Variants in FUS observed in about 807,000 individuals in gnomAD.
FUS encodes the protein RNA-binding protein FUS.
FUS carries 5 observed loss-of-function variants against 82.7 expected under a neutral mutation model. The observed-to-expected ratio is 0.06, with a 90% confidence interval of 0.03 to 0.13. The LOEUF (loss-of-function observed/expected upper bound fraction) is 0.13, where lower values mean the gene tolerates loss of function less well. Among genes scored for constraint, FUS ranks in the 10% least tolerant of loss-of-function variants. The probability of loss-of-function intolerance (pLI) is 1.00; values close to 1 mark genes in which losing one functional copy is unlikely to be tolerated. For missense variants in FUS, 512 were observed against 707.8 expected (o/e 0.72, Z 3.14); for synonymous variants, 281 against 247.4 (o/e 1.14, Z -1.27).
At chr16:31,184,128 G>A in intron 4 of FUS, 81 bp from the exon 5 acceptor site, 5 of 1,613,560 alleles carry the variant, frequency 3.1e-6, no homozygotes, top group Non-Finnish European at 4.2e-6. Flanking sequence ...GTTGGGTACA[G>A]AGAATGGACT....
Position 31,190,123 on chromosome 16 carries a change from G to A in FUS, c.1150G>A (p.Gly384Arg). 1 of 1,614,198 alleles carries A rather than the reference G, an allele frequency of 6.2e-7. No individual in the cohort carries two copies. The highest frequency in any genetic ancestry group is 8.5e-7 in the Non-Finnish European group (1 of 1,180,034). ...DFNRGGGNGR[G>R]GRGRGGPMGR... Reference sequence around the variant, plus strand: ...TAATCGGGGTGGTGGCAATGGTCGTGGAGGCCGAGGGCGAGGAGGTGAGGA... The same window carrying A: ...TAATCGGGGTGGTGGCAATGGTCGTAGAGGCCGAGGGCGAGGAGGTGAGGA... Residue 384 changes from glycine (G) to arginine (R), a missense_variant, in exon 11 of 15, where the codon GGA becomes AGA. By Grantham distance (125) the Gly-to-Arg change is moderately radical. Coordinates refer to ENST00000254108, the MANE Select transcript of FUS (RefSeq NM_004960.4).
chr16:31,185,164 G>A lies in FUS; in HGVS notation c.749G>A (p.Gly250Asp). The change falls in exon 6 of 15, where the codon GGC becomes GAC. Residue 250 changes from glycine to aspartate, a missense_variant. Transcript: ENST00000254108. ...EPRGRGGGRG[G>D]RGGMGGSDRG... The stretch of plus-strand genomic sequence containing the variant: ...AGAGGTCGTGGAGGTGGCCGTGGAG[G>A]CAGAGGTGGCATGGGGTAGGTGTCT... The A allele has an allele frequency of 6.2e-7, 1 of 1,609,896 alleles. No individual in the cohort carries two copies. The highest frequency in any genetic ancestry group is 8.5e-7 in the Non-Finnish European group (1 of 1,177,982).
At chr16:31,190,539 A>G (rs1596911272) in intron 12 of FUS, 141 bp downstream of exon 12, 1 of 1,356,030 alleles carries the variant, frequency 7.4e-7, no homozygotes, top group South Asian at 1.2e-5. Context: ...AAGCTTACCT[A>G]GGTAAGGTTG....
chr16:31,186,583 C>T, intron 6 of FUS: 2 of 594,606 alleles, frequency 3.4e-6, no homozygotes, highest in African/African-American at 1.9e-5. Context: ...CCTTTTAAAG[C>T]AAAATCTTTA....
intron 11 of FUS, 52 bp downstream of exon 11, chr16:31,190,193 G>T (rs2079332444): frequency 1.9e-6 from 3 of 1,613,830 alleles, no homozygotes; most frequent in African/African-American, 2.7e-5. Flanking sequence ...GAGTGCAGAA[G>T]ATGGTAAAGG....
intron 3 of FUS, 72 bp from the exon 4 acceptor site, chr16:31,183,786 T>C (rs2079216467): frequency 1.3e-6 from 2 of 1,589,122 alleles, no homozygotes; most frequent in East Asian, 4.5e-5. Flanking sequence ...GGTATTATGT[T>C]TTCTTTAACC....
At chr16:31,187,832 A>T in intron 7 of FUS, 1 of 241,838 alleles carries the variant, frequency 4.1e-6, no homozygotes, top group Non-Finnish European at 8.1e-6. Context: ...GGGAAACAAC[A>T]CGGTTTTAAG....
chr16:31,182,994 C>A, intron 3 of FUS: 1 of 377,956 alleles, frequency 2.6e-6, no homozygotes, highest in Non-Finnish European at 5.1e-6. Flanking sequence ...CAGGCGTCAG[C>A]CACAATGCCC....
downstream of FUS, chr16:31,193,687 A>G: frequency 1.9e-6 from 1 of 532,606 alleles, no homozygotes; most frequent in Non-Finnish European, 3.6e-6. Flanking sequence ...CTTCCAGGAG[A>G]ATGGATAGAG....
chr16:31,186,613 T>A, intron 6 of FUS, 189 bp from the exon 7 acceptor site: 1 of 633,570 alleles, frequency 1.6e-6, no homozygotes, highest in Non-Finnish European at 2.9e-6. Flanking sequence ...TCTGAGAAAT[T>A]GCACACGTGT....
intron 5 of FUS, 61 bp downstream of exon 5, chr16:31,184,457 A>C: frequency 4.7e-6 from 5 of 1,065,806 alleles, no homozygotes; most frequent in Non-Finnish European, 1.3e-6. Flanking sequence ...TTTTTTTTTG[A>C]GACGGAGTCT....
At position 31,190,036 on chromosome 16, in the gene FUS, C is replaced by T. The variant is rs747218305; in HGVS notation, c.1067-4C>T. On this transcript the variant is annotated splice_region_variant and splice_polypyrimidine_tract_variant and intron_variant, in intron 10 of 14. Coordinates refer to ENST00000254108, the MANE Select transcript of FUS (RefSeq NM_004960.4). ...AGTCTGTTGATGATTTTTTGTTTCT[C>T]TAGGTAAAGAATTCTCCGGAAATCC... 5 of 1,609,170 alleles carry T rather than the reference C, an allele frequency of 3.1e-6. No individual in the cohort carries two copies. The highest frequency in any genetic ancestry group is 4.2e-6 in the Non-Finnish European group (5 of 1,177,452).
downstream of FUS, chr16:31,193,957 A>G (rs563575202): frequency 1.9e-6 from 1 of 531,690 alleles, no homozygotes; most frequent in Admixed American, 2.2e-5. Context: ...AGAATACTCT[A>G]TTCTTACTGA....
chr16:31,193,819 C>T, downstream of FUS: 9 of 435,614 alleles, frequency 2.1e-5, no homozygotes, highest in South Asian at 1.5e-4. Flanking sequence ...TTTTTAATTA[C>T]TTTTTTTTTT....
At chr16:31,180,274 C>T (rs773117547) in intron 1 of FUS, 47 bp downstream of exon 1, 21 of 1,585,968 alleles carry the variant, frequency 1.3e-5, no homozygotes, top group Admixed American at 1.8e-5. Flanking sequence ...CGGCCGAGGC[C>T]TCCCAGCTGG....
chr16:31,191,775 G>A (rs1231920880), downstream of FUS: 1 of 599,450 alleles, frequency 1.7e-6, no homozygotes, highest in Admixed American at 2.1e-5. Flanking sequence ...TCTGTCATGG[G>A]GAAAGTTGGT....
chr16:31,189,349 G>C, intron 9 of FUS, 123 bp downstream of exon 9: 1 of 869,896 alleles, frequency 1.1e-6, no homozygotes, highest in Admixed American at 1.7e-5. Flanking sequence ...GTTGTTGCCA[G>C]CTTAATTTGT....
downstream of FUS, chr16:31,192,286 A>AGT (rs1451381706): frequency 7.6e-6 from 4 of 526,656 alleles, no homozygotes; most frequent in Non-Finnish European, 1.5e-5. Context: ...GGGAATGATA[A>AGT]GTGATAAGAG....
In FUS at chr16:31,190,734, C is replaced by G. The variant is rs372796562; in HGVS notation, c.1293-8C>G. ...CGCTCCAGACTGATTGTCTTCCTTTCTCCTTAGCACCTGTGAGAATATGAA... is the reference window on the plus strand; with the variant it reads ...CGCTCCAGACTGATTGTCTTCCTTTGTCCTTAGCACCTGTGAGAATATGAA... On this transcript the variant is annotated splice_region_variant and splice_polypyrimidine_tract_variant and intron_variant, in intron 12 of 14. Coordinates refer to ENST00000254108, the MANE Select transcript of FUS (RefSeq NM_004960.4). 2 of 1,612,770 alleles carry G rather than the reference C, an allele frequency of 1.2e-6. No homozygotes were observed. The highest frequency in any genetic ancestry group is 1.7e-6 in the Non-Finnish European group (2 of 1,178,826).
Sources: allele counts gnomAD v4.1 joint callset, GRCh38; gene constraint gnomAD v4.1.1; transcripts MANE v1.5; gene names NCBI Gene and HGNC (gene_info 2026-07-23, HGNC 2026-07-21).